Variants in EYS observed in about 807,000 individuals in gnomAD.
EYS encodes protein eyes shut homolog.
EYS carries 250 observed loss-of-function variants against 282.1 expected under a neutral mutation model. The observed-to-expected ratio is 0.89, with a 90% CI of 0.80 to 0.98. The LOEUF is 0.98. Ranked by LOEUF, EYS falls within the 50% of genes least tolerant of loss-of-function variation. The pLI is 0.00. For synonymous variants in EYS, 1,355 were observed against 1,282.9 expected (o/e 1.06, Z -1.20); for missense variants, 4,016 against 3,709.0 (o/e 1.08, Z -2.15).
At chr6:64,183,877 C>A (rs1472686833) in intron 31 of EYS, among the ~76,000 whole-genome samples, 1 of 151,872 alleles carries the variant, frequency 6.6e-6, no homozygotes, top group Non-Finnish European at 1.5e-5. Context: ...ATTTTATCTC[C>A]CTTTATTTTA....
intron 14 of EYS, among the ~76,000 whole-genome samples, chr6:64,976,839 G>A (rs1282094493): frequency 6.7e-6 from 1 of 149,166 alleles, no homozygotes; most frequent in East Asian, 2.0e-4. Context: ...TTTTTTTTTT[G>A]CAAAGGGAAG....
At position 64,208,620 on chromosome 6, in the gene EYS, G is replaced by A. The variant is rs140303190; in HGVS notation, c.6424+21972C>T. On this transcript the variant is annotated intron_variant, in intron 31 of 42. Transcript: ENST00000503581. Reference sequence around the variant, plus strand: ...CCAAAATTACAAAAATGTATAAAATGTAAATATTTTAGAAATCCAAAATGA... The same window carrying A: ...CCAAAATTACAAAAATGTATAAAATATAAATATTTTAGAAATCCAAAATGA... Among the ~76,000 whole-genome samples, 8 of 152,198 alleles carry A rather than the reference G, an allele frequency of 5.3e-5. No homozygotes were observed. In the East Asian group the frequency reaches 1.3e-3, roughly 26 times the overall value.
At chr6:64,592,561 T>C (rs1766446223) in intron 25 of EYS, among the ~76,000 whole-genome samples, 1 of 152,154 alleles carries the variant, frequency 6.6e-6, no homozygotes. Flanking sequence ...ACTCTGATTA[T>C]CCGAAGTGGC....
At chr6:65,175,797 AAAC>A (rs1210861125) in intron 12 of EYS, among the ~76,000 whole-genome samples, 1 of 151,496 alleles carries the variant, frequency 6.6e-6, no homozygotes, top group Non-Finnish European at 1.5e-5. Flanking sequence ...TAAAATCAAC[AAAC>A]AACTGACTCA....
At position 64,822,749 on chromosome 6, in the gene EYS, G is replaced by T; in HGVS notation, c.3066C>A (p.Gly1022=). 6.5e-7 allele frequency: 1 copy of T among 1,549,952 alleles called. No individual in the cohort carries two copies. The highest frequency in any genetic ancestry group is 8.7e-7 in the Non-Finnish European group (1 of 1,145,918). ...TGCAGTCACAGGTATAATGATTGAT[G>T]CCATCGATACAAACTCCATCATGGA... The part of the protein sequence containing the change: ...PCLHDGVCID[G]INHYTCDCKS... The change falls in exon 20 of 43, where the codon GGC becomes GGA. Residue 1022 remains glycine (G), a synonymous_variant. Coordinates refer to ENST00000503581, the MANE Select transcript of EYS (RefSeq NM_001142800.2).
intron 19 of EYS, among the ~76,000 whole-genome samples, chr6:64,870,746 G>A (rs1030355297): frequency 6.6e-6 from 1 of 151,666 alleles, no homozygotes; most frequent in Admixed American, 6.6e-5. Context: ...AGCCTAAATA[G>A]GAACTAAGAG....
intron 31 of EYS, among the ~76,000 whole-genome samples, chr6:64,135,413 A>G (rs902425050): frequency 6.6e-6 from 1 of 152,134 alleles, no homozygotes; most frequent in Non-Finnish European, 1.5e-5. Context: ...CCTGTGATCA[A>G]AACAGAGGGA....
intron 12 of EYS, among the ~76,000 whole-genome samples, chr6:65,262,543 A>G (rs571150506): frequency 4.2e-4 from 64 of 152,062 alleles, no homozygotes; most frequent in Non-Finnish European, 6.9e-4. Context: ...TTGCATTCCC[A>G]TAAGTCTCAG....
intron 35 of EYS, among the ~76,000 whole-genome samples, chr6:63,973,594 A>ATTTTT (rs1766693197): frequency 6.6e-6 from 1 of 152,184 alleles, no homozygotes; most frequent in Non-Finnish European, 1.5e-5. Flanking sequence ...AAACTATATT[A>ATTTTT]TAAAGATATT....
chr6:64,846,585 A>G (rs978874366), intron 19 of EYS, among the ~76,000 whole-genome samples: 9 of 152,134 alleles, frequency 5.9e-5, no homozygotes, highest in African/African-American at 2.2e-4. Flanking sequence ...ACAATATAAT[A>G]TTATTCTCAA....
intron 35 of EYS, among the ~76,000 whole-genome samples, chr6:63,883,416 C>G (rs902628832): frequency 1.3e-5 from 2 of 152,212 alleles, no homozygotes; most frequent in Non-Finnish European, 2.9e-5. Context: ...TTTCTTCTAC[C>G]CTTGTGAAAA....
intron 36 of EYS, among the ~76,000 whole-genome samples, chr6:63,852,721 C>T (rs1772291521): frequency 6.6e-6 from 1 of 152,058 alleles, no homozygotes; most frequent in East Asian, 1.9e-4. Context: ...AACATCAATC[C>T]AAAAATCCTT....
intron 31 of EYS, among the ~76,000 whole-genome samples, chr6:64,092,280 G>T (rs959211041): frequency 6.6e-6 from 1 of 152,072 alleles, no homozygotes; most frequent in Non-Finnish European, 1.5e-5. Flanking sequence ...AATGGGATGG[G>T]TGGGTCAAAT....
chr6:64,712,808 C>A (rs535592496), intron 22 of EYS, among the ~76,000 whole-genome samples: 11 of 152,258 alleles, frequency 7.2e-5, no homozygotes, highest in Admixed American at 7.2e-4. Flanking sequence ...AGGACCCACG[C>A]CCTGCAAAAG....
rs1458811319 is a variant in EYS, at chr6:64,584,983, C to G, written c.5644+5240G>C. Among the ~76,000 whole-genome samples the G allele has an allele frequency of 2.0e-5, 3 of 151,904 alleles. 1 individual carries two copies. Among genetic ancestry groups the G allele is most frequent in the Admixed American group, 2.0e-4 (3 of 15,216 alleles). ...CAGCAATATCGTTACTGGATATATACTCAAAATAAAATAGTTTTACTAAAA... is the reference window on the plus strand; with the variant it reads ...CAGCAATATCGTTACTGGATATATAGTCAAAATAAAATAGTTTTACTAAAA... On this transcript the variant is annotated intron_variant, in intron 26 of 42. Transcript: ENST00000503581.
chr6:64,351,401 T>C (rs555837228), intron 29 of EYS, among the ~76,000 whole-genome samples: 21 of 144,276 alleles, frequency 1.5e-4, no homozygotes, highest in Non-Finnish European at 2.8e-4. Context: ...TTGAATTACA[T>C]AGTTACATTA....
At chr6:64,660,972 A>G (rs527416213) in intron 22 of EYS, among the ~76,000 whole-genome samples, 2 of 152,308 alleles carry the variant, frequency 1.3e-5, no homozygotes, top group East Asian at 3.9e-4. Flanking sequence ...GCATCACACT[A>G]CCTGACTTCA....
intron 12 of EYS, among the ~76,000 whole-genome samples, chr6:65,192,282 C>G (rs1445882738): frequency 2.0e-5 from 2 of 100,170 alleles, no homozygotes; most frequent in African/African-American, 7.5e-5. Context: ...TTCCCTATAG[C>G]TTTTTCTACT....
At chr6:64,548,852 C>T (rs1582881599) in intron 26 of EYS, among the ~76,000 whole-genome samples, 2 of 151,754 alleles carry the variant, frequency 1.3e-5, no homozygotes. Context: ...AGAATAGCTG[C>T]TAAGGCAGAG....
Sources: allele counts gnomAD v4.1 joint callset (sites outside exome capture counted in the v4.1 genomes callset), GRCh38; gene constraint gnomAD v4.1.1; transcripts MANE v1.5; gene names NCBI Gene and HGNC (gene_info 2026-07-23, HGNC 2026-07-21).